Variants in C14orf93 observed in about 807,000 individuals in gnomAD.
C14orf93 encodes chromosome 14 open reading frame 93, also known as uncharacterized protein C14orf93.
Under a neutral mutation model 44.0 loss-of-function variants are expected in C14orf93, and 23 were observed. The observed-to-expected ratio is 0.52, with a 90% CI of 0.38 to 0.74. The LOEUF is 0.74. Among genes scored for constraint, C14orf93 ranks in the 30% least tolerant of loss-of-function variants. C14orf93 has a pLI of 0.00. For missense variants in C14orf93, 579 were observed against 678.9 expected (o/e 0.85, Z 1.64); for synonymous variants, 253 against 265.7 (o/e 0.95, Z 0.46).
intron 3 of C14orf93, among the ~76,000 whole-genome samples, chr14:22,994,785 G>A (rs1053118435): frequency 2.6e-5 from 4 of 151,878 alleles, no homozygotes; most frequent in Non-Finnish European, 4.4e-5. Context: ...CAAAGACTGT[G>A]GTCACTTTAA....
intron 1 of C14orf93, among the ~76,000 whole-genome samples, chr14:23,009,147 C>CT (rs771284709): frequency 3.9e-4 from 60 of 152,342 alleles, no homozygotes; most frequent in Non-Finnish European, 8.2e-4. Context: ...ATTGCCTACT[C>CT]TCATTTGCCA....
At chr14:23,009,861 A>C (rs1169881653) in intron 1 of C14orf93, among the ~76,000 whole-genome samples, 1 of 152,180 alleles carries the variant, frequency 6.6e-6, no homozygotes, top group Non-Finnish European at 1.5e-5. Flanking sequence ...AAAAGAAAAA[A>C]AAACTATAAA....
intron 3 of C14orf93, among the ~76,000 whole-genome samples, chr14:22,990,827 T>C (rs1594605767): frequency 6.6e-6 from 1 of 150,590 alleles, no homozygotes; most frequent in East Asian, 2.0e-4. Flanking sequence ...CTTTTCTTTT[T>C]TTTTTTTTTG....
chr14:22,988,282 T>A (rs1209116787), intron 5 of C14orf93, among the ~76,000 whole-genome samples: 1 of 151,896 alleles, frequency 6.6e-6, no homozygotes, highest in Non-Finnish European at 1.5e-5. Flanking sequence ...TACAGGCATG[T>A]GCCACCACAT....
chr14:22,995,417 C>A lies in C14orf93; in HGVS notation c.918+531G>T, dbSNP rs142745558. ...TAGGAAGGCTGGGCATGGTGGCTCA[C>A]GCCTGTAATCCCAGTACTTTGGGAG... is the stretch of plus-strand genomic sequence containing the variant. On this transcript the variant is annotated intron_variant, in intron 3 of 6. Transcript: ENST00000299088. 9.0e-4 allele frequency among the ~76,000 whole-genome samples: 137 copies of A among 152,322 alleles called. 2 individuals carry two copies. In the East Asian group the frequency reaches 0.024, roughly 26 times the overall value.
rs558604186 is a variant in C14orf93, at chr14:22,996,292, C to T, written c.598-24G>A. 5.3e-5 allele frequency: 80 copies of T among 1,521,428 alleles called. 2 individuals carry two copies. In the East Asian group the frequency reaches 1.5e-3, roughly 29 times the overall value. The allele number at this position is 1,521,428 out of a possible 1,614,324, so 94.2% of individuals were successfully genotyped here. A position where few individuals can be genotyped will look rare whatever the true frequency, so the allele number is the denominator to read the frequency against. On this transcript the variant is annotated intron_variant, in intron 2 of 6. Transcript: ENST00000299088. The surrounding 1 kb of genome is among the most constrained non-coding windows in gnomAD (Gnocchi z 4.1). ...AGCTAAGAACATAAAAAATAATAGCCTATTAGCCAGCCAGGCTTAGGGGAA... is the reference window on the plus strand; with the variant it reads ...AGCTAAGAACATAAAAAATAATAGCTTATTAGCCAGCCAGGCTTAGGGGAA...
Position 22,999,012 on chromosome 14 carries a change from A to C in C14orf93, c.12T>G (p.Ser4Arg), listed in dbSNP as rs781032765. 5 of 1,610,346 alleles carry C rather than the reference A, an allele frequency of 3.1e-6. No homozygotes were observed. The Admixed American group carries it at 8.3e-5, about 27-fold the overall frequency. MSF[S>R]ATILFSPPSG... The stretch of plus-strand genomic sequence containing the variant: ...TGGGAGGGGAGAAGAGAATGGTGGC[A>C]CTGAAGGACATGGCGGATGGGGCAG... The change falls in exon 2 of 7, where the codon AGT becomes AGG. Residue 4 changes from serine to arginine, a missense_variant. Ser to Arg is a moderately radical substitution (Grantham distance 110). Coordinates refer to ENST00000299088, the MANE Select transcript of C14orf93 (RefSeq NM_021944.4).
At position 22,996,808 on chromosome 14, in the gene C14orf93, G is replaced by A. The variant is rs114080842; in HGVS notation, c.598-540C>T. ...CATGCCCTCACCTTGATCCTGCCCC[G>A]GCCACATTCGACTGTCATAGCCCCT... On this transcript the variant is annotated intron_variant, in intron 2 of 6. Transcript: ENST00000299088. The surrounding 1 kb of genome is among the most constrained non-coding windows in gnomAD (Gnocchi z 4.1). Among the ~76,000 whole-genome samples the A allele has an allele frequency of 3.0e-3, 462 of 152,168 alleles. 2 individuals carry two copies. Among genetic ancestry groups the A allele is most frequent in the African/African-American group, 0.011 (442 of 41,514 alleles).
chr14:23,002,763 G>A (rs2046377610), intron 1 of C14orf93: 1 of 151,906 alleles, frequency 6.6e-6, no homozygotes, highest in South Asian at 2.1e-4. Flanking sequence ...ATGTTGCCCA[G>A]GTTGGTCTTC....
intron 1 of C14orf93, among the ~76,000 whole-genome samples, chr14:23,000,395 C>T (rs2046228007): frequency 6.6e-6 from 1 of 152,026 alleles, no homozygotes; most frequent in South Asian, 2.1e-4. Flanking sequence ...TTCTCTCTTA[C>T]CCTGTAAATT....
chr14:22,998,748 A>T lies in C14orf93; in HGVS notation c.276T>A (p.Arg92=). Residue 92 remains arginine, a synonymous_variant, in exon 2 of 7, where the codon CGT becomes CGA. Coordinates refer to ENST00000299088, the MANE Select transcript of C14orf93 (RefSeq NM_021944.4). The part of the protein sequence containing the change: ...LARANNELLK[R]LQEEVGDLRQ... ...TCAGGTCACCCACTTCCTCCTGGAG[A>T]CGTTTTAACAACTCATTGTTGGCCC... 6.2e-7 allele frequency: 1 copy of T among 1,613,974 alleles called. No homozygotes were observed. Among genetic ancestry groups the T allele is most frequent in the Non-Finnish European group, 8.5e-7 (1 of 1,180,024 alleles).
In C14orf93 at chr14:22,998,586, G is replaced by A; in HGVS notation, c.438C>T (p.Asp146=). The stretch of plus-strand genomic sequence containing the variant: ...CCACCTGCACGCCGCTGCCCACGCT[G>A]TCACACTCCTCTTCCACGGCAGACA... The part of the protein sequence containing the change: ...KALSAVEEEC[D]SVGSGVQVVI... Residue 146 remains aspartate (D), a synonymous_variant, in exon 2 of 7, where the codon GAC becomes GAT. Transcript: ENST00000299088. The A allele has an allele frequency of 6.2e-7, 1 of 1,614,192 alleles. No individual in the cohort carries two copies. The highest frequency in any genetic ancestry group is 8.5e-7 in the Non-Finnish European group (1 of 1,180,030).
In C14orf93 at chr14:22,986,631, T is replaced by A. The variant is rs955865981; in HGVS notation, c.*584A>T. ...CATCTGTAAGATAGGAATAGTAAAA[T>A]TTTCCTCATGTAATTCAATAAACAA... On this transcript the variant is annotated 3_prime_UTR_variant, in exon 7 of 7. Transcript: ENST00000299088. The A allele has an allele frequency of 1.3e-5, 2 of 153,698 alleles. No individual in the cohort carries two copies. The highest frequency in any genetic ancestry group is 4.8e-5 in the African/African-American group (2 of 41,410). The allele number at this position is 153,698 out of a possible 1,614,324, so 9.5% of individuals were successfully genotyped here.
intron 1 of C14orf93, chr14:23,001,182 CTTTA>C (rs1221128580): frequency 2.6e-5 from 4 of 152,170 alleles, no homozygotes; most frequent in Admixed American, 2.0e-4. Context: ...CTTTTTAATT[CTTTA>C]TTTAACCTAC....
chr14:22,992,822 A>G (rs1465769663), intron 3 of C14orf93, among the ~76,000 whole-genome samples: 1 of 150,402 alleles, frequency 6.6e-6, no homozygotes, highest in Admixed American at 6.6e-5. Flanking sequence ...TGACCTCGTG[A>G]TCCACCCACC....
intron 5 of C14orf93, 43 bp downstream of exon 5, chr14:22,989,699 G>A (rs754637840): frequency 6.2e-6 from 8 of 1,299,790 alleles, no homozygotes; most frequent in South Asian, 2.4e-5. Flanking sequence ...TGGGAGGAGA[G>A]GGGGAGAAAG....
At position 22,987,098 on chromosome 14, in the gene C14orf93, G is replaced by A. The variant is rs951062110; in HGVS notation, c.*117C>T. ...CAGTAGAGACTGTGTTAAGAAAAGA[G>A]GCAAATTTGCTTTCTCAGACTGCAC... is the stretch of plus-strand genomic sequence containing the variant. On this transcript the variant is annotated 3_prime_UTR_variant, in exon 7 of 7. Transcript: ENST00000299088. This position sits in a 1 kb window ranked among gnomAD's most constrained non-coding sequence, Gnocchi z 5.6. 7.1e-6 allele frequency: 8 copies of A among 1,134,702 alleles called. No homozygotes were observed. The African/African-American group carries it at 1.3e-4, about 18-fold the overall frequency. 70.3% of individuals were successfully genotyped at this position (1,134,702 alleles called of 1,614,324 possible). A position where few individuals can be genotyped will look rare whatever the true frequency, so the allele number is the denominator to read the frequency against.
intron 1 of C14orf93, chr14:23,001,081 C>T (rs1410343715): frequency 1.3e-5 from 2 of 152,206 alleles, no homozygotes; most frequent in Non-Finnish European, 2.9e-5. Context: ...AAGGAAAGCA[C>T]TAAGCACTTC....
rs1412184379 is a variant in C14orf93 at position 22,996,778 on chromosome 14, C to G, written c.598-510G>C. Among the ~76,000 whole-genome samples the G allele has an allele frequency of 6.6e-6, 1 of 152,188 alleles. No homozygotes were observed. Among genetic ancestry groups the G allele is most frequent in the Non-Finnish European group, 1.5e-5 (1 of 68,040 alleles). ...CTCACCTATCCTCCATTCCCAGAGTCAGTCCATGCCCTCACCTTGATCCTG... is the reference window on the plus strand; with the variant it reads ...CTCACCTATCCTCCATTCCCAGAGTGAGTCCATGCCCTCACCTTGATCCTG... On this transcript the variant is annotated intron_variant, in intron 2 of 6. Coordinates refer to ENST00000299088, the MANE Select transcript of C14orf93 (RefSeq NM_021944.4). This position sits in a 1 kb window ranked among gnomAD's most constrained non-coding sequence, Gnocchi z 4.1.
Sources: allele counts gnomAD v4.1 joint callset (sites outside exome capture counted in the v4.1 genomes callset), GRCh38; gene constraint gnomAD v4.1.1; non-coding constraint Gnocchi (gnomAD v3.1); transcripts MANE v1.5; gene names NCBI Gene and HGNC (gene_info 2026-07-23, HGNC 2026-07-21).